Variants in PLPPR1 observed in about 807,000 individuals in gnomAD.
PLPPR1 encodes the protein phospholipid phosphatase-related protein type 1.
In PLPPR1, 10 loss-of-function variants were observed where a neutral mutation model predicts 33.1. The ratio of observed to expected loss-of-function variants is 0.30; its 90% CI spans 0.19 to 0.51. The LOEUF is 0.51. Among genes scored for constraint, PLPPR1 ranks in the 20% least tolerant of loss-of-function variants. The probability of loss-of-function intolerance (pLI) is 0.97; values close to 1 mark genes in which losing one functional copy is unlikely to be tolerated. For synonymous variants in PLPPR1, 151 were observed against 151.0 expected (o/e 1.00, Z 0.00); for missense variants, 304 against 408.1 (o/e 0.74, Z 2.20).
At chr9:101,309,653 C>T (rs1452238971) in intron 5 of PLPPR1, among the ~76,000 whole-genome samples, 192 bp downstream of exon 5, 1 of 152,142 alleles carries the variant, frequency 6.6e-6, no homozygotes, top group East Asian at 1.9e-4. Context: ...ATCTCCTGAT[C>T]TGCCAGAGGA....
At chr9:101,193,680 T>C (rs1453097003) in intron 2 of PLPPR1, among the ~76,000 whole-genome samples, 1 of 152,190 alleles carries the variant, frequency 6.6e-6, no homozygotes, top group Non-Finnish European at 1.5e-5. Flanking sequence ...ACTGGAGTAC[T>C]GAAAAAATCA....
At chr9:101,161,552 G>T (rs562014282) in intron 1 of PLPPR1, among the ~76,000 whole-genome samples, 99 of 152,130 alleles carry the variant, frequency 6.5e-4, no homozygotes, top group Non-Finnish European at 8.8e-4. Flanking sequence ...CAGTTTCCTT[G>T]TCTGTAAAAT....
At chr9:101,126,150 T>G (rs1442180701) in intron 1 of PLPPR1, among the ~76,000 whole-genome samples, 2 of 152,236 alleles carry the variant, frequency 1.3e-5, no homozygotes, top group Non-Finnish European at 2.9e-5. Context: ...CCTTTCCTGT[T>G]GGATTAGTAC....
chr9:101,271,704 A>G (rs1828105332), intron 3 of PLPPR1, among the ~76,000 whole-genome samples: 1 of 152,102 alleles, frequency 6.6e-6, no homozygotes, highest in African/African-American at 2.4e-5. Context: ...TCAGTCTAGA[A>G]TTGGGTCCTG....
chr9:101,135,791 C>T (rs1218747096), intron 1 of PLPPR1, among the ~76,000 whole-genome samples: 1 of 152,218 alleles, frequency 6.6e-6, no homozygotes, highest in Non-Finnish European at 1.5e-5. Context: ...CTGTTTGCTG[C>T]TACATTCTTG....
intron 2 of PLPPR1, among the ~76,000 whole-genome samples, chr9:101,247,385 A>C (rs1156759881): frequency 6.6e-6 from 1 of 152,054 alleles, no homozygotes; most frequent in East Asian, 1.9e-4. Flanking sequence ...GTCTTACATC[A>C]ACCACTTAGC....
At chr9:101,292,220 G>A (rs1291286065) in intron 4 of PLPPR1, among the ~76,000 whole-genome samples, 4 of 152,136 alleles carry the variant, frequency 2.6e-5, no homozygotes, top group Non-Finnish European at 5.9e-5. Context: ...ATGAAATGAA[G>A]TGAGAAGGAA....
chr9:101,080,592 A>G (rs964306535), intron 1 of PLPPR1, among the ~76,000 whole-genome samples: 8 of 152,156 alleles, frequency 5.3e-5, no homozygotes, highest in Non-Finnish European at 8.8e-5. Context: ...ACAACCAAAC[A>G]ACAAAAATAC....
chr9:101,187,864 A>G (rs1826230599), intron 2 of PLPPR1: 1 of 152,022 alleles, frequency 6.6e-6, no homozygotes, highest in South Asian at 2.1e-4. Flanking sequence ...AATGTTACAG[A>G]TATGGCCAAA....
At chr9:101,058,007 A>G (rs1830298564) in intron 1 of PLPPR1, among the ~76,000 whole-genome samples, 1 of 152,090 alleles carries the variant, frequency 6.6e-6, no homozygotes, top group African/African-American at 2.4e-5. Context: ...GCCCCATCTG[A>G]GCCCATTGGA....
intron 2 of PLPPR1, among the ~76,000 whole-genome samples, chr9:101,201,335 C>G (rs1023684463): frequency 1.3e-5 from 2 of 152,202 alleles, no homozygotes; most frequent in Non-Finnish European, 2.9e-5. Flanking sequence ...ATAATTGCAA[C>G]TCTGTACTGT....
At chr9:101,076,066 G>A (rs1830531987) in intron 1 of PLPPR1, among the ~76,000 whole-genome samples, 1 of 152,058 alleles carries the variant, frequency 6.6e-6, no homozygotes, top group Non-Finnish European at 1.5e-5. Flanking sequence ...GTACAGCAGT[G>A]GTTCTCAAAG....
intron 1 of PLPPR1, among the ~76,000 whole-genome samples, chr9:101,162,540 C>T (rs1345203461): frequency 6.6e-6 from 1 of 152,220 alleles, no homozygotes; most frequent in Non-Finnish European, 1.5e-5. Flanking sequence ...AGCATATGTA[C>T]ACATTGCTGT....
chr9:101,266,255 T>TGAA (rs1219858038), intron 2 of PLPPR1, among the ~76,000 whole-genome samples: 2 of 151,494 alleles, frequency 1.3e-5, no homozygotes, highest in African/African-American at 4.9e-5. Flanking sequence ...GATGAAACCT[T>TGAA]GTCTCTACTA....
chr9:101,206,057 A>T (rs1418276201), intron 2 of PLPPR1, among the ~76,000 whole-genome samples: 1 of 152,178 alleles, frequency 6.6e-6, no homozygotes, highest in Non-Finnish European at 1.5e-5. Context: ...ACAGTGCCCC[A>T]AAGATTCTGG....
intron 1 of PLPPR1, among the ~76,000 whole-genome samples, chr9:101,144,958 C>A (rs748527511): frequency 5.9e-5 from 9 of 152,126 alleles, no homozygotes; most frequent in Admixed American, 2.0e-4. Flanking sequence ...GTTTCTCTTG[C>A]CTTAATACTT....
Position 101,324,078 on chromosome 9 carries a change from C to A in PLPPR1, c.*21C>A, listed in dbSNP as rs948285785. ...CCTGAGACGACTGATGTGTCACAAGCTGTTTTTTAAAATCATCTTCCAATT... is the reference window on the plus strand; with the variant it reads ...CCTGAGACGACTGATGTGTCACAAGATGTTTTTTAAAATCATCTTCCAATT... On this transcript the variant is annotated 3_prime_UTR_variant, in exon 8 of 8. Transcript: ENST00000374874. The A allele has an allele frequency of 1.9e-6, 3 of 1,603,898 alleles. No individual in the cohort carries two copies. The highest frequency in any genetic ancestry group is 2.6e-6 in the Non-Finnish European group (3 of 1,171,456).
chr9:101,178,433 C>G (rs984601622), intron 1 of PLPPR1, among the ~76,000 whole-genome samples: 5 of 152,224 alleles, frequency 3.3e-5, no homozygotes, highest in Admixed American at 6.5e-5. Context: ...GGAGTAGACA[C>G]TTACTCCAGA....
At chr9:101,232,527 TAA>T (rs1428267153) in intron 2 of PLPPR1, among the ~76,000 whole-genome samples, 1 of 151,860 alleles carries the variant, frequency 6.6e-6, no homozygotes, top group Non-Finnish European at 1.5e-5. Context: ...AAATTGGGGT[TAA>T]AGAGTAACAA....
Sources: allele counts gnomAD v4.1 joint callset (sites outside exome capture counted in the v4.1 genomes callset), GRCh38; gene constraint gnomAD v4.1.1; transcripts MANE v1.5; gene names NCBI Gene and HGNC (gene_info 2026-07-23, HGNC 2026-07-21).